Variants in NECTIN2 observed in about 807,000 individuals in gnomAD.
NECTIN2 encodes the protein nectin cell adhesion molecule 2.
A neutral mutation model predicts 56.9 loss-of-function variants in NECTIN2; 23 were observed. The observed-to-expected ratio is 0.40, with a 90% CI of 0.29 to 0.57. The LOEUF is 0.57. Ranked by LOEUF, NECTIN2 falls within the 20% of genes least tolerant of loss-of-function variation. The pLI is 0.38. For missense variants in NECTIN2, 587 were observed against 718.3 expected (o/e 0.82, Z 2.09); for synonymous variants, 302 against 313.8 (o/e 0.96, Z 0.40).
In NECTIN2 at chr19:44,882,352, A is replaced by G. The variant is rs1386840641; in HGVS notation, c.1184A>G (p.Glu395Gly). 1 of 1,460,566 alleles carries G rather than the reference A, an allele frequency of 6.8e-7. No homozygotes were observed. The highest frequency in any genetic ancestry group is 9.1e-7 in the Non-Finnish European group (1 of 1,097,398). The allele number at this position is 1,460,566 out of a possible 1,614,324, so 90.5% of individuals were successfully genotyped here. The change falls in exon 6 of 9, where the codon GAG becomes GGG. Residue 395 changes from glutamate (E) to glycine (G), a missense_variant. Transcript: ENST00000252483. ...AAGGAGCAGACGCTGCAGGGGGCAG[A>G]GGAGGACGAAGAGTAAGTGATGGGC... ...QRKEQTLQGA[E>G]EDEDLEGPPS... is the part of the protein sequence containing the mutation.
intron 6 of NECTIN2, among the ~76,000 whole-genome samples, chr19:44,883,069 C>T (rs528408137): frequency 6.6e-6 from 1 of 150,624 alleles, no homozygotes; most frequent in Admixed American, 7.2e-5. Context: ...GCGTGAGCCA[C>T]CATGGCTGGC....
intron 1 of NECTIN2, among the ~76,000 whole-genome samples, chr19:44,857,002 T>A (rs752693204): frequency 2.0e-5 from 3 of 152,182 alleles, no homozygotes; most frequent in Non-Finnish European, 4.4e-5. Context: ...TCCCTGGAAC[T>A]GGCACAAGGG....
chr19:44,882,529 C>T (rs918492635), intron 6 of NECTIN2, among the ~76,000 whole-genome samples, 165 bp downstream of exon 6: 9 of 151,838 alleles, frequency 5.9e-5, no homozygotes, highest in African/African-American at 2.2e-4. Flanking sequence ...TTTCTCTCTG[C>T]TATAAAGTAT....
chr19:44,884,189 T>A (rs1287668825), intron 6 of NECTIN2, among the ~76,000 whole-genome samples: 1 of 152,058 alleles, frequency 6.6e-6, no homozygotes, highest in Non-Finnish European at 1.5e-5. Context: ...TGAGACAGGA[T>A]CTCACTCTGT....
chr19:44,853,316 C>G (rs1254877790), intron 1 of NECTIN2, among the ~76,000 whole-genome samples: 1 of 151,820 alleles, frequency 6.6e-6, no homozygotes, highest in Admixed American at 6.6e-5. Flanking sequence ...CCTGCCTCAG[C>G]CTCCCGAGTA....
chr19:44,850,126 G>C (rs925035164), intron 1 of NECTIN2, among the ~76,000 whole-genome samples: 3 of 152,162 alleles, frequency 2.0e-5, no homozygotes, highest in African/African-American at 7.2e-5. Context: ...TTTGAACCGA[G>C]TTCAAGGCTG....
intron 5 of NECTIN2, among the ~76,000 whole-genome samples, chr19:44,880,134 C>A (rs1406293920): frequency 1.3e-5 from 2 of 152,190 alleles, no homozygotes; most frequent in East Asian, 3.9e-4. Flanking sequence ...CCCCACGGGC[C>A]CTTCCATACT....
intron 5 of NECTIN2, among the ~76,000 whole-genome samples, chr19:44,876,078 C>CT (rs1431865049): frequency 6.6e-6 from 1 of 152,142 alleles, no homozygotes; most frequent in African/African-American, 2.4e-5. Flanking sequence ...TTCCCAGGAA[C>CT]CCTCCCGAAA....
rs760334451 is a variant in NECTIN2, at chr19:44,865,398, C to T, written c.216C>T (p.Arg72=). 1.2e-6 allele frequency: 2 copies of T among 1,614,034 alleles called. No homozygotes were observed. The highest frequency in any genetic ancestry group is 1.7e-5 in the Admixed American group (1 of 59,996). ...GLYISLVTWQ[R]PDAPANHQNV... is the part of the protein sequence containing the mutation. ...ACATCTCCCTGGTGACCTGGCAGCGCCCAGATGCACCTGCGAACCACCAGA... is the reference window on the plus strand; with the variant it reads ...ACATCTCCCTGGTGACCTGGCAGCGTCCAGATGCACCTGCGAACCACCAGA... The change falls in exon 2 of 9, where the codon CGC becomes CGT. Residue 72 remains arginine, a synonymous_variant. Transcript: ENST00000252483. This position sits in a 1 kb window ranked among gnomAD's most constrained non-coding sequence, Gnocchi z 5.2.
chr19:44,849,166 G>A (rs2122621839), intron 1 of NECTIN2, among the ~76,000 whole-genome samples: 1 of 152,200 alleles, frequency 6.6e-6, no homozygotes, highest in South Asian at 2.1e-4. Flanking sequence ...ACACGTGTAG[G>A]AATGGAATCA....
chr19:44,886,269 G>A (rs1308525012), intron 8 of NECTIN2, 50 bp downstream of exon 8: 1 of 1,485,712 alleles, frequency 6.7e-7, no homozygotes, highest in East Asian at 2.3e-5. Context: ...GGGTTGAAGG[G>A]CCAGGGGTCA....
intron 2 of NECTIN2, among the ~76,000 whole-genome samples, chr19:44,867,595 C>T (rs770268263): frequency 7.9e-5 from 12 of 152,176 alleles, no homozygotes; most frequent in Non-Finnish European, 1.5e-4. Flanking sequence ...TAGTCAAGTC[C>T]TGGAGTCTGA....
At chr19:44,885,198 G>T (rs1035502126) in intron 6 of NECTIN2, among the ~76,000 whole-genome samples, 1 of 150,764 alleles carries the variant, frequency 6.6e-6, no homozygotes, top group East Asian at 2.0e-4. Flanking sequence ...GTTTCTCCAT[G>T]TTGGTCAGGC....
rs1404965310 is a variant in NECTIN2, at chr19:44,882,371, G to A, written c.1196+7G>A. The A allele has an allele frequency of 7.1e-7, 1 of 1,412,024 alleles. No homozygotes were observed. The highest frequency in any genetic ancestry group is 9.4e-7 in the Non-Finnish European group (1 of 1,069,226). 87.5% of individuals were successfully genotyped at this position (1,412,024 alleles called of 1,614,324 possible). A position where few individuals can be genotyped will look rare whatever the true frequency, so the allele number is the denominator to read the frequency against. On this transcript the variant is annotated splice_region_variant and intron_variant, in intron 6 of 8. Transcript: ENST00000252483. ...GGGCAGAGGAGGACGAAGAGTAAGT[G>A]ATGGGCCCTGAGACGGGGATGGGAG... is the stretch of plus-strand genomic sequence containing the variant.
At chr19:44,880,472 T>G in intron 5 of NECTIN2, among the ~76,000 whole-genome samples, 1 of 145,654 alleles carries the variant, frequency 6.9e-6, no homozygotes, top group Non-Finnish European at 1.5e-5. Flanking sequence ...TTTCCTGTCT[T>G]GCCTTTTTTT....
At chr19:44,879,321 G>A (rs1969281066) in intron 5 of NECTIN2, among the ~76,000 whole-genome samples, 1 of 152,096 alleles carries the variant, frequency 6.6e-6, no homozygotes, top group Admixed American at 6.5e-5. Context: ...GACAGCAGGG[G>A]CTCAGCCAGG....
chr19:44,880,573 C>T (rs148303016), intron 5 of NECTIN2, among the ~76,000 whole-genome samples: 8,527 of 146,952 alleles, frequency 0.058, 258 homozygotes, highest in South Asian at 0.087. Flanking sequence ...CTGCACCCTC[C>T]ACCTCCCAAG....
chr19:44,878,168 G>A (rs1326877152), intron 5 of NECTIN2: 4 of 621,436 alleles, frequency 6.4e-6, no homozygotes, highest in East Asian at 2.8e-5. Flanking sequence ...AGCGATCCTC[G>A]TGATCTTGTG....
chr19:44,872,169 C>T lies in NECTIN2; in HGVS notation c.775+20C>T. On this transcript the variant is annotated intron_variant, in intron 3 of 8. Coordinates refer to ENST00000252483, the MANE Select transcript of NECTIN2 (RefSeq NM_001042724.2). ...TACGCTGTGAGTGTATCGGGGGTGA[C>T]CCCTCCCCCATCAAAACTGCCTACA... 6.2e-7 allele frequency: 1 copy of T among 1,603,462 alleles called. No homozygotes were observed.
Sources: gnomAD v4.1 joint callset for allele counts (sites outside exome capture counted in the v4.1 genomes callset) on GRCh38, gnomAD v4.1.1 for gene constraint, Gnocchi (gnomAD v3.1) non-coding constraint, MANE v1.5 for transcripts, NCBI Gene and HGNC (gene_info 2026-07-23, HGNC 2026-07-21) for gene names.